PTPRM: variants seen among roughly 807,000 people sequenced by gnomAD.
The protein encoded by PTPRM is protein tyrosine phosphatase receptor type M.
A neutral mutation model predicts 186.7 loss-of-function variants in PTPRM; 47 were observed. The observed-to-expected ratio is 0.25, with a 90% confidence interval of 0.20 to 0.32. The LOEUF is 0.32. PTPRM is among the 10% of genes least tolerant of loss of function. PTPRM has a pLI of 1.00. For missense variants in PTPRM, 1,494 were observed against 1,865.0 expected (o/e 0.80, Z 3.66); for synonymous variants, 668 against 674.9 (o/e 0.99, Z 0.16).
intron 4 of PTPRM, among the ~76,000 whole-genome samples, chr18:7,910,405 A>G (rs2050200245): frequency 6.6e-6 from 1 of 152,228 alleles, no homozygotes; most frequent in South Asian, 2.1e-4. Flanking sequence ...TTTATTGAAA[A>G]TGAAAAATAC....
chr18:7,979,176 G>A (rs1010816422), intron 7 of PTPRM, among the ~76,000 whole-genome samples: 2 of 152,098 alleles, frequency 1.3e-5, no homozygotes, highest in East Asian at 1.9e-4. Flanking sequence ...TCACTGACCC[G>A]CCACTGTAGA....
At chr18:7,710,004 C>T (rs968264476) in intron 1 of PTPRM, among the ~76,000 whole-genome samples, 1 of 152,142 alleles carries the variant, frequency 6.6e-6, no homozygotes, top group Non-Finnish European at 1.5e-5. Flanking sequence ...CCTACTGAAA[C>T]TATTCCAAAG....
intron 2 of PTPRM, among the ~76,000 whole-genome samples, chr18:7,843,266 T>C (rs2046437990): frequency 6.6e-6 from 1 of 152,138 alleles, no homozygotes. Context: ...CTTTTATGAT[T>C]TTTCATTCAA....
At chr18:7,930,902 T>C (rs1471706598) in intron 5 of PTPRM, among the ~76,000 whole-genome samples, 1 of 152,088 alleles carries the variant, frequency 6.6e-6, no homozygotes, top group African/African-American at 2.4e-5. Flanking sequence ...CCCATCTGTT[T>C]ATATTTTCTT....
chr18:8,375,539 C>G (rs2095689265), intron 24 of PTPRM, among the ~76,000 whole-genome samples: 1 of 152,226 alleles, frequency 6.6e-6, no homozygotes, highest in Non-Finnish European at 1.5e-5. Flanking sequence ...CTGCAAGCAT[C>G]ATCTGAGCAT....
intron 1 of PTPRM, among the ~76,000 whole-genome samples, chr18:7,635,084 T>C (rs1468676112): frequency 1.3e-5 from 2 of 152,124 alleles, no homozygotes; most frequent in Non-Finnish European, 2.9e-5. Context: ...TATTTTTACT[T>C]AGAGATCAGT....
At chr18:8,024,331 T>C (rs1048257054) in intron 7 of PTPRM, among the ~76,000 whole-genome samples, 4 of 152,202 alleles carry the variant, frequency 2.6e-5, no homozygotes, top group African/African-American at 9.7e-5. Flanking sequence ...CGTCATTAGT[T>C]TCTCTTGGGG....
At chr18:7,614,315 A>G (rs2037750584) in intron 1 of PTPRM, among the ~76,000 whole-genome samples, 1 of 152,182 alleles carries the variant, frequency 6.6e-6, no homozygotes. Flanking sequence ...TCTTTAAAGT[A>G]CTTCTGGAAT....
At chr18:7,856,741 C>T (rs1025173353) in intron 2 of PTPRM, among the ~76,000 whole-genome samples, 6 of 47,420 alleles carry the variant, frequency 1.3e-4, no homozygotes, top group Admixed American at 2.4e-4. Context: ...AAGACCCTGT[C>T]TCAAAAAAAA....
At chr18:8,288,754 A>G (rs757680512) in intron 19 of PTPRM, among the ~76,000 whole-genome samples, 1 of 152,180 alleles carries the variant, frequency 6.6e-6, no homozygotes. Flanking sequence ...GTGTCACTTC[A>G]TTAGCGGGAG....
chr18:8,406,033 T>C (rs1002667204), intron 32 of PTPRM, 76 bp from the exon 33 acceptor site: 1 of 1,299,132 alleles, frequency 7.7e-7, no homozygotes, highest in African/African-American at 1.5e-5. Flanking sequence ...ATTAAGACCC[T>C]ACTCTATGGT....
At chr18:8,219,360 G>A (rs867494369) in intron 14 of PTPRM, among the ~76,000 whole-genome samples, 27 of 152,132 alleles carry the variant, frequency 1.8e-4, no homozygotes, top group African/African-American at 5.5e-4. Context: ...CCAGCTACTC[G>A]GGAGGCTGAG....
chr18:7,798,502 C>T (rs1201556993), intron 2 of PTPRM, among the ~76,000 whole-genome samples: 1 of 151,156 alleles, frequency 6.6e-6, no homozygotes, highest in African/African-American at 2.4e-5. Context: ...GCACTCTAGC[C>T]TGGGCGACAG....
At chr18:7,964,432 G>T (rs2053885206) in intron 7 of PTPRM, among the ~76,000 whole-genome samples, 1 of 152,046 alleles carries the variant, frequency 6.6e-6, no homozygotes, top group Non-Finnish European at 1.5e-5. Flanking sequence ...TAATCCTTCT[G>T]GTCAGTGTTT....
At chr18:7,796,735 G>A (rs886243033) in intron 2 of PTPRM, among the ~76,000 whole-genome samples, 8 of 152,262 alleles carry the variant, frequency 5.3e-5, no homozygotes, top group Non-Finnish European at 1.2e-4. Context: ...CCCCACACCC[G>A]TATCGCCATA....
chr18:8,399,155 G>T (rs2095859315), intron 32 of PTPRM, among the ~76,000 whole-genome samples: 1 of 152,170 alleles, frequency 6.6e-6, no homozygotes, highest in Non-Finnish European at 1.5e-5. Flanking sequence ...TTTATAGGCA[G>T]AAAAAAGCTT....
At chr18:8,072,659 G>A (rs945338556) in intron 8 of PTPRM, among the ~76,000 whole-genome samples, 2 of 152,030 alleles carry the variant, frequency 1.3e-5, no homozygotes, top group Admixed American at 6.6e-5. Flanking sequence ...AACATTGTGA[G>A]TTTTATTATA....
intron 14 of PTPRM, among the ~76,000 whole-genome samples, chr18:8,148,556 C>G (rs1272900682): frequency 6.6e-6 from 1 of 152,038 alleles, no homozygotes; most frequent in Non-Finnish European, 1.5e-5. Flanking sequence ...CGTTATTAGT[C>G]TGGCTCGTGG....
At chr18:7,744,870 C>T (rs895055079) in intron 1 of PTPRM, among the ~76,000 whole-genome samples, 4 of 152,126 alleles carry the variant, frequency 2.6e-5, no homozygotes, top group African/African-American at 9.7e-5. Flanking sequence ...ATTCTTAACT[C>T]TAGTTGAGAG....
Sources: allele counts gnomAD v4.1 joint callset (sites outside exome capture counted in the v4.1 genomes callset), GRCh38; gene constraint gnomAD v4.1.1; transcripts MANE v1.5; gene names NCBI Gene and HGNC (gene_info 2026-07-23, HGNC 2026-07-21).